Variants in ESRRG observed in about 807,000 individuals in gnomAD.
ESRRG encodes estrogen related receptor gamma.
In ESRRG, 13 loss-of-function variants were observed where a neutral mutation model predicts 44.0. The ratio of observed to expected loss-of-function variants is 0.30; its 90% CI spans 0.19 to 0.47. ESRRG has a LOEUF of 0.47. Ranked by LOEUF, ESRRG falls within the 20% of genes least tolerant of loss-of-function variation. ESRRG has a pLI of 1.00. For synonymous variants in ESRRG, 215 were observed against 214.6 expected, an observed-to-expected ratio of 1.00 and a Z score of -0.02; for missense variants, 395 against 580.6, an observed-to-expected ratio of 0.68 and a Z score of 3.29.
At chr1:216,900,994 A>G (rs2059001900) in intron 2 of ESRRG, among the ~76,000 whole-genome samples, 1 of 152,232 alleles carries the variant, frequency 6.6e-6, no homozygotes, top group Admixed American at 6.5e-5. Flanking sequence ...CCAGCTGTCA[A>G]ACCAGAGGAA....
At chr1:216,893,243 T>A (rs994408866) in intron 2 of ESRRG, among the ~76,000 whole-genome samples, 1 of 152,106 alleles carries the variant, frequency 6.6e-6, no homozygotes, top group Admixed American at 6.5e-5. Context: ...CCAGGCAATA[T>A]CACAGACAAT....
At chr1:216,587,656 G>T (rs2056905035) in intron 3 of ESRRG, among the ~76,000 whole-genome samples, 1 of 152,046 alleles carries the variant, frequency 6.6e-6, no homozygotes, top group Admixed American at 6.6e-5. Flanking sequence ...TTTATGCTCA[G>T]AATTTTTTTA....
chr1:216,590,944 T>C (rs982833928), intron 3 of ESRRG, among the ~76,000 whole-genome samples: 6 of 152,198 alleles, frequency 3.9e-5, no homozygotes, highest in Admixed American at 3.3e-4. Context: ...AAGGTGATGT[T>C]CCATTTATAC....
chr1:216,601,399 G>T (rs184609794), intron 3 of ESRRG, among the ~76,000 whole-genome samples: 1 of 152,172 alleles, frequency 6.6e-6, no homozygotes, highest in Non-Finnish European at 1.5e-5. Context: ...CGCGAAGGAG[G>T]GGGGCTCCAA....
intron 2 of ESRRG, chr1:216,855,169 C>T (rs1577279916): frequency 6.6e-6 from 1 of 152,170 alleles, no homozygotes; most frequent in East Asian, 1.9e-4. Flanking sequence ...TCATTTAGGA[C>T]CTATGGGCCG....
At chr1:216,749,556 C>T (rs958690342) in intron 2 of ESRRG, among the ~76,000 whole-genome samples, 2 of 152,160 alleles carry the variant, frequency 1.3e-5, no homozygotes, top group African/African-American at 4.8e-5. Flanking sequence ...TTGTCGTCAG[C>T]TGTTTAACAG....
chr1:216,741,650 G>A (rs2090753500), intron 2 of ESRRG, among the ~76,000 whole-genome samples: 1 of 152,122 alleles, frequency 6.6e-6, no homozygotes, highest in South Asian at 2.1e-4. Context: ...TTAGAACACA[G>A]CTTAGGGCCT....
At chr1:216,935,883 G>A (rs1301175515) in intron 2 of ESRRG, among the ~76,000 whole-genome samples, 3 of 152,086 alleles carry the variant, frequency 2.0e-5, no homozygotes, top group Admixed American at 6.5e-5. Context: ...CCAAAGTGCT[G>A]GGATTACAGG....
intron 2 of ESRRG, among the ~76,000 whole-genome samples, chr1:216,834,382 C>T (rs2095532081): frequency 6.6e-6 from 1 of 152,202 alleles, no homozygotes; most frequent in Non-Finnish European, 1.5e-5. Flanking sequence ...GCCTGGGCAA[C>T]AGAATGAGAC....
At chr1:216,676,657 A>T (rs900556395) in intron 2 of ESRRG, among the ~76,000 whole-genome samples, 2 of 152,194 alleles carry the variant, frequency 1.3e-5, no homozygotes, top group Non-Finnish European at 2.9e-5. Flanking sequence ...AGATTTCCAG[A>T]TGATTTTAAT....
At chr1:216,872,086 T>A (rs1294934159) in intron 2 of ESRRG, among the ~76,000 whole-genome samples, 1 of 152,190 alleles carries the variant, frequency 6.6e-6, no homozygotes, top group Non-Finnish European at 1.5e-5. Flanking sequence ...TATAGAATTC[T>A]GGTTTGGCAG....
At chr1:217,065,985 G>T (rs1299107976) in intron 1 of ESRRG, among the ~76,000 whole-genome samples, 1 of 152,124 alleles carries the variant, frequency 6.6e-6, no homozygotes, top group Non-Finnish European at 1.5e-5. Flanking sequence ...CTCCAAGACC[G>T]AAGTGCACAG....
chr1:216,687,432 T>G (rs2078219771), intron 1 of ESRRG, among the ~76,000 whole-genome samples: 1 of 152,214 alleles, frequency 6.6e-6, no homozygotes, highest in South Asian at 2.1e-4. Context: ...TTCTACCAAC[T>G]GTTAGTTGCT....
chr1:216,645,163 A>G (rs60757457), intron 3 of ESRRG, among the ~76,000 whole-genome samples: 2 of 152,204 alleles, frequency 1.3e-5, no homozygotes, highest in African/African-American at 4.8e-5. Context: ...CTGTGCCTTC[A>G]ACTCTCACGT....
rs545706706 is a variant in ESRRG, at chr1:217,042,704, G to A, written c.-106+46803C>T. 1.8e-4 allele frequency among the ~76,000 whole-genome samples: 28 copies of A among 151,754 alleles called. No homozygotes were observed. In the South Asian group the frequency reaches 2.5e-3, roughly 14 times the overall value. ...TTCTAATTCTAATTATAAACAGTCCGAGCTAAAATTAGAAACCCAATCTGT... is the reference window on the plus strand; with the variant it reads ...TTCTAATTCTAATTATAAACAGTCCAAGCTAAAATTAGAAACCCAATCTGT... On this transcript the variant is annotated intron_variant, in intron 1 of 7. Coordinates refer to the ESRRG transcript ENST00000359162.
At chr1:216,658,779 G>C (rs2071347422) in intron 2 of ESRRG, among the ~76,000 whole-genome samples, 3 of 151,866 alleles carry the variant, frequency 2.0e-5, no homozygotes, top group South Asian at 2.1e-4. Flanking sequence ...GTTGGAGTGA[G>C]CTGAAATCGT....
intron 2 of ESRRG, among the ~76,000 whole-genome samples, chr1:216,798,495 G>T (rs1018117008): frequency 6.6e-6 from 1 of 152,136 alleles, no homozygotes; most frequent in African/African-American, 2.4e-5. Context: ...CCTCCAGAAA[G>T]CCAGGAAGGG....
chr1:216,736,463 G>A (rs971751716), intron 2 of ESRRG, among the ~76,000 whole-genome samples: 1 of 152,010 alleles, frequency 6.6e-6, no homozygotes, highest in East Asian at 1.9e-4. Flanking sequence ...GATTACAGGC[G>A]TGAGCCACCA....
intron 1 of ESRRG, among the ~76,000 whole-genome samples, chr1:216,697,146 A>G (rs2080333437): frequency 6.6e-6 from 1 of 152,014 alleles, no homozygotes; most frequent in Non-Finnish European, 1.5e-5. Context: ...TTGTATTTTT[A>G]GTAGAGACAG....
Sources: gnomAD v4.1 joint callset for allele counts (sites outside exome capture counted in the v4.1 genomes callset) on GRCh38, gnomAD v4.1.1 for gene constraint, MANE v1.5 for transcripts, NCBI Gene and HGNC (gene_info 2026-07-23, HGNC 2026-07-21) for gene names.